The following VEPH1 variants were observed in gnomAD, a reference collection of about 807,000 sequenced individuals.
VEPH1 encodes the protein ventricular zone-expressed PH domain-containing protein homolog 1.
In VEPH1, 80 loss-of-function variants were observed where a neutral mutation model predicts 85.2. The observed-to-expected ratio is 0.94, with a 90% CI of 0.78 to 1.13. The LOEUF (loss-of-function observed/expected upper bound fraction) is 1.13. VEPH1 is among the 50% of genes most tolerant of loss of function. The pLI, the probability that VEPH1 is intolerant of heterozygous loss-of-function variation, is 0.00. For synonymous variants in VEPH1, 297 were observed against 348.0 expected (o/e 0.85, Z 1.63); for missense variants, 955 against 980.5 (o/e 0.97, Z 0.35).
intron 9 of VEPH1, among the ~76,000 whole-genome samples, chr3:157,361,540 T>G (rs1726049843): frequency 6.6e-6 from 1 of 152,222 alleles, no homozygotes; most frequent in South Asian, 2.1e-4. Flanking sequence ...GAGGCTGAGC[T>G]GTCTGGCTTT....
intron 11 of VEPH1, among the ~76,000 whole-genome samples, chr3:157,307,643 T>C (rs566916123): frequency 2.7e-4 from 41 of 152,040 alleles, no homozygotes; most frequent in Admixed American, 2.0e-4. Flanking sequence ...GAGTTTTCTC[T>C]TTCTGTACCA....
intron 9 of VEPH1, among the ~76,000 whole-genome samples, chr3:157,319,052 G>A (rs1721094439): frequency 1.3e-5 from 2 of 152,098 alleles, no homozygotes; most frequent in African/African-American, 2.4e-5. Context: ...TTCAGGAAAA[G>A]TTTGAAAAAT....
chr3:157,313,906 G>A, intron 10 of VEPH1, 151 bp from the exon 11 acceptor site: 1 of 1,015,454 alleles, frequency 9.8e-7, no homozygotes, highest in Non-Finnish European at 1.4e-6. Context: ...CTTAAAGATC[G>A]AACATATGGG....
chr3:157,446,751 C>T (rs1469573580), intron 4 of VEPH1, among the ~76,000 whole-genome samples: 1 of 152,150 alleles, frequency 6.6e-6, no homozygotes, highest in African/African-American at 2.4e-5. Flanking sequence ...TTCTTGGATT[C>T]AGTGAACATG....
intron 6 of VEPH1, 198 bp downstream of exon 6, chr3:157,413,683 A>G (rs1731688268): frequency 2.0e-6 from 2 of 981,534 alleles, no homozygotes; most frequent in Non-Finnish European, 2.4e-6. Context: ...AGAAATTGGG[A>G]CTCCCAGAAA....
intron 11 of VEPH1, among the ~76,000 whole-genome samples, chr3:157,290,126 T>A (rs1482259171): frequency 6.6e-6 from 1 of 151,888 alleles, no homozygotes; most frequent in Non-Finnish European, 1.5e-5. Context: ...CTGCTGTGCT[T>A]GAAGGAACCA....
intron 11 of VEPH1, among the ~76,000 whole-genome samples, chr3:157,302,741 C>T (rs1160818434): frequency 2.0e-5 from 3 of 152,134 alleles, no homozygotes; most frequent in Non-Finnish European, 4.4e-5. Context: ...CCGTGGCTTT[C>T]CATAGACCAC....
intron 12 of VEPH1, among the ~76,000 whole-genome samples, chr3:157,269,497 G>A (rs1043061271): frequency 2.0e-5 from 3 of 152,186 alleles, no homozygotes; most frequent in South Asian, 2.1e-4. Context: ...AGGTGTTAGA[G>A]TCAGTTTCAG....
intron 9 of VEPH1, among the ~76,000 whole-genome samples, chr3:157,348,162 C>G (rs1724451519): frequency 6.6e-6 from 1 of 152,176 alleles, no homozygotes; most frequent in African/African-American, 2.4e-5. Context: ...ATGGAGAACC[C>G]TGCCTTGAGC....
rs183336046 is a variant in VEPH1, at chr3:157,417,997, A to T, written c.697-3907T>A. The stretch of plus-strand genomic sequence containing the variant: ...CCTGCATGTGAACACCCCAGTCCAC[A>T]TATGCAAGCTCTTCTAGGCCACCTC... On this transcript the variant is annotated intron_variant, in intron 5 of 13. Transcript: ENST00000362010. Among the ~76,000 whole-genome samples, 71 of 152,242 alleles carry T rather than the reference A, an allele frequency of 4.7e-4. No homozygotes were observed. In the South Asian group the frequency reaches 9.9e-3, roughly 21 times the overall value.
At chr3:157,308,799 G>C (rs1719795071) in intron 11 of VEPH1, among the ~76,000 whole-genome samples, 1 of 151,966 alleles carries the variant, frequency 6.6e-6, no homozygotes, top group South Asian at 2.1e-4. Flanking sequence ...CCATTGCTCT[G>C]TGACTTTGAG....
chr3:157,378,679 G>T (rs938072766), intron 7 of VEPH1, among the ~76,000 whole-genome samples: 2 of 152,148 alleles, frequency 1.3e-5, no homozygotes, highest in Admixed American at 6.6e-5. Context: ...CTCTACCTCT[G>T]TGAATAGTTA....
At chr3:157,312,965 C>T (rs1720284640) in intron 11 of VEPH1, among the ~76,000 whole-genome samples, 2 of 131,050 alleles carry the variant, frequency 1.5e-5, no homozygotes, top group African/African-American at 3.0e-5. Flanking sequence ...AGTGCAGTGG[C>T]GCGATCTCGG....
At chr3:157,503,004 CT>C (rs1449798756) in intron 1 of VEPH1, among the ~76,000 whole-genome samples, 2 of 152,170 alleles carry the variant, frequency 1.3e-5, no homozygotes, top group East Asian at 3.9e-4. Context: ...TGATATGAAT[CT>C]AGAAGCACAG....
chr3:157,454,956 T>C (rs1357817683), intron 4 of VEPH1, among the ~76,000 whole-genome samples: 1 of 152,188 alleles, frequency 6.6e-6, no homozygotes. Context: ...TATTCCTTGG[T>C]GTATATGTAC....
chr3:157,455,359 G>C (rs11923416), intron 4 of VEPH1, among the ~76,000 whole-genome samples: 5,812 of 151,644 alleles, frequency 0.038, 364 homozygotes, highest in African/African-American at 0.13. Context: ...TGTGGAGCAT[G>C]TTTTCATATA....
chr3:157,380,971 G>T, intron 7 of VEPH1, 185 bp downstream of exon 7: 1 of 614,010 alleles, frequency 1.6e-6, no homozygotes, highest in Non-Finnish European at 2.8e-6. Context: ...TTATTGTTTT[G>T]TTACATTCTG....
chr3:157,466,162 A>C (rs1736356510), intron 3 of VEPH1, among the ~76,000 whole-genome samples: 1 of 152,068 alleles, frequency 6.6e-6, no homozygotes, highest in African/African-American at 2.4e-5. Flanking sequence ...AACGTAATAC[A>C]CATTGTATGG....
At position 157,446,332 on chromosome 3, in the gene VEPH1, T is replaced by C. The variant is rs551206871; in HGVS notation, c.529+13849A>G. 4.6e-5 allele frequency among the ~76,000 whole-genome samples: 7 copies of C among 152,278 alleles called. No individual in the cohort carries two copies. The South Asian group carries it at 1.4e-3, about 32-fold the overall frequency. ...AAACTGGAACAGTTTTTCACTCTAG[T>C]ATGTATGTATATATCTCCAGCAGAG... On this transcript the variant is annotated intron_variant, in intron 4 of 13. Transcript: ENST00000362010.
Sources: gnomAD v4.1 joint callset for allele counts (sites outside exome capture counted in the v4.1 genomes callset) on GRCh38, gnomAD v4.1.1 for gene constraint, MANE v1.5 for transcripts, NCBI Gene and HGNC (gene_info 2026-07-23, HGNC 2026-07-21) for gene names.